The following TULP4 variants were observed in gnomAD, a reference collection of about 807,000 sequenced individuals.
TULP4 encodes tubby-related protein 4.
In TULP4, 16 loss-of-function variants were observed where a neutral mutation model predicts 129.0. The observed-to-expected ratio is 0.12, with a 90% CI of 0.08 to 0.19. The LOEUF is 0.19. TULP4 is among the 10% of genes least tolerant of loss of function. The pLI, the probability that TULP4 is intolerant of heterozygous loss-of-function variation, is 1.00. For synonymous variants in TULP4, 998 were observed against 854.0 expected (o/e 1.17, Z -2.94); for missense variants, 1,842 against 2,059.1 (o/e 0.89, Z 2.04).
At chr6:158,457,080 A>G (rs1437481306) in intron 5 of TULP4, among the ~76,000 whole-genome samples, 1 of 152,108 alleles carries the variant, frequency 6.6e-6, no homozygotes, top group Non-Finnish European at 1.5e-5. Context: ...ACTGTTGGAG[A>G]CGGCACATGG....
chr6:158,366,060 A>G lies in TULP4; in HGVS notation c.253-47005A>G, dbSNP rs540926410. 4.0e-5 allele frequency among the ~76,000 whole-genome samples: 6 copies of G among 149,716 alleles called. No individual in the cohort carries two copies. The South Asian group carries it at 6.4e-4, about 16-fold the overall frequency. Reference sequence around the variant, plus strand: ...TGGGACTACAGGTGCCTGCCACCACACCCGGCTAATTTTTTTGTATTTTTA... The same window carrying G: ...TGGGACTACAGGTGCCTGCCACCACGCCCGGCTAATTTTTTTGTATTTTTA... On this transcript the variant is annotated intron_variant, in intron 1 of 13. Transcript: ENST00000367097.
In TULP4 at chr6:158,501,943, C is replaced by T. The variant is rs144975281; in HGVS notation, c.2280C>T (p.Ser760=). 7.7e-5 allele frequency: 124 copies of T among 1,614,014 alleles called. No homozygotes were observed. The African/African-American group carries it at 8.8e-4, about 11-fold the overall frequency. The stretch of plus-strand genomic sequence containing the variant: ...ATCCTGGACAGGTGATTTTCGGAAG[C>T]GTGGAAATGGGCCGCATCATTCAGA... ...YSNPGQVIFG[S]VEMGRIIQNP... is the part of the protein sequence containing the mutation. The change falls in exon 13 of 14, where the codon AGC becomes AGT. Residue 760 remains serine (S), a synonymous_variant. Coordinates refer to ENST00000367097, the MANE Select transcript of TULP4 (RefSeq NM_020245.5).
intron 1 of TULP4, among the ~76,000 whole-genome samples, chr6:158,349,232 C>T (rs1780417083): frequency 6.9e-6 from 1 of 144,898 alleles, no homozygotes; most frequent in Non-Finnish European, 1.5e-5. Context: ...CAGAGGCGCT[C>T]CTCACATCCC....
chr6:158,278,501 T>G (rs1226643979), upstream of TULP4, among the ~76,000 whole-genome samples: 1 of 152,130 alleles, frequency 6.6e-6, no homozygotes, highest in Non-Finnish European at 1.5e-5. Flanking sequence ...ATTAAATTGA[T>G]CGAAAAGCTT....
intron 2 of TULP4, among the ~76,000 whole-genome samples, chr6:158,421,533 T>C (rs138734109): frequency 6.6e-6 from 1 of 152,186 alleles, no homozygotes; most frequent in Non-Finnish European, 1.5e-5. Flanking sequence ...AAATAAAATT[T>C]TGTGCAGCCC....
chr6:158,288,935 C>G (rs993818863), intron 1 of TULP4, among the ~76,000 whole-genome samples: 1 of 152,146 alleles, frequency 6.6e-6, no homozygotes, highest in African/African-American at 2.4e-5. Context: ...TTTCTAATAA[C>G]CTCTTAGAAC....
intron 1 of TULP4, among the ~76,000 whole-genome samples, chr6:158,288,313 G>A (rs9459954): frequency 2.6e-4 from 40 of 151,836 alleles, no homozygotes; most frequent in African/African-American, 8.9e-4. Context: ...GTGGTAGCTC[G>A]GACCTCCAGT....
At chr6:158,485,798 G>T (rs1480191521) in intron 8 of TULP4, among the ~76,000 whole-genome samples, 2 of 152,292 alleles carry the variant, frequency 1.3e-5, no homozygotes, top group African/African-American at 4.8e-5. Flanking sequence ...GCGAGATTTG[G>T]GATTTGCTTG....
rs184428875 is a variant in TULP4, at chr6:158,507,982, C to A, written c.*1288C>A. The A allele has an allele frequency of 6.6e-6, 1 of 152,246 alleles. No homozygotes were observed. The highest frequency in any genetic ancestry group is 6.5e-5 in the Admixed American group (1 of 15,302). The allele number at this position is 152,246 out of a possible 1,614,324, so 9.4% of individuals were successfully genotyped here. A position where few individuals can be genotyped will look rare whatever the true frequency, so the allele number is the denominator to read the frequency against. ...GACTGTTTACTAAGGAGCTAAACCACTGAGAAAACGTTATTAAAATTGTAA... is the reference window on the plus strand; with the variant it reads ...GACTGTTTACTAAGGAGCTAAACCAATGAGAAAACGTTATTAAAATTGTAA... On this transcript the variant is annotated 3_prime_UTR_variant, in exon 14 of 14. Coordinates refer to ENST00000367097, the MANE Select transcript of TULP4 (RefSeq NM_020245.5).
intron 1 of TULP4, chr6:158,242,380 T>C (rs1187647859): frequency 4.7e-6 from 7 of 1,498,360 alleles, no homozygotes; most frequent in Non-Finnish European, 6.5e-6. Context: ...GAAGGGTTTG[T>C]TTTCCTCTCC....
chr6:158,331,026 T>C (rs921358987), intron 1 of TULP4, among the ~76,000 whole-genome samples: 1 of 152,210 alleles, frequency 6.6e-6, no homozygotes, highest in African/African-American at 2.4e-5. Flanking sequence ...CTGCCCCTCA[T>C]TGGTGATGTT....
intron 1 of TULP4, among the ~76,000 whole-genome samples, chr6:158,338,682 G>T (rs1780101823): frequency 6.6e-6 from 1 of 152,228 alleles, no homozygotes; most frequent in Non-Finnish European, 1.5e-5. Flanking sequence ...GAGGCTAGCA[G>T]GTTGGAAGGT....
chr6:158,243,753 T>C (rs1777970290), intron 1 of TULP4, among the ~76,000 whole-genome samples: 1 of 152,102 alleles, frequency 6.6e-6, no homozygotes, highest in African/African-American at 2.4e-5. Flanking sequence ...CTTTTTGTGA[T>C]ACTAGCAACC....
intron 1 of TULP4, among the ~76,000 whole-genome samples, chr6:158,370,584 GA>G (rs1226082123): frequency 6.7e-6 from 1 of 149,598 alleles, no homozygotes; most frequent in Non-Finnish European, 1.5e-5. Context: ...TAAGTCTTCA[GA>G]GTGGACTTAT....
intron 1 of TULP4, among the ~76,000 whole-genome samples, chr6:158,332,152 A>G (rs1386401412): frequency 7.2e-6 from 1 of 139,006 alleles, no homozygotes; most frequent in Non-Finnish European, 1.5e-5. Context: ...AGCCTGGTCG[A>G]CAGAGTAAGA....
At chr6:158,242,953 T>C (rs992594218) in intron 1 of TULP4, among the ~76,000 whole-genome samples, 1 of 152,130 alleles carries the variant, frequency 6.6e-6, no homozygotes, top group South Asian at 2.1e-4. Flanking sequence ...ACCCGGCTAA[T>C]TTTTTTGTTG....
chr6:158,340,052 A>T (rs1780145451), intron 1 of TULP4, among the ~76,000 whole-genome samples: 1 of 152,184 alleles, frequency 6.6e-6, no homozygotes, highest in Non-Finnish European at 1.5e-5. Flanking sequence ...CCTTAATTGT[A>T]TTGGCCAGGT....
intron 1 of TULP4, among the ~76,000 whole-genome samples, chr6:158,386,770 C>A (rs1223633381): frequency 2.2e-5 from 2 of 91,524 alleles, no homozygotes; most frequent in African/African-American, 8.7e-5. Flanking sequence ...AGTTACTAAA[C>A]CTCTCTGTTT....
At chr6:158,499,297 A>G (rs1780396289) in intron 12 of TULP4, among the ~76,000 whole-genome samples, 2 of 152,282 alleles carry the variant, frequency 1.3e-5, no homozygotes, top group South Asian at 4.1e-4. Flanking sequence ...CCAGGACGCA[A>G]AAGCCTTTAC....
Sources: gnomAD v4.1 joint callset for allele counts (sites outside exome capture counted in the v4.1 genomes callset) on GRCh38, gnomAD v4.1.1 for gene constraint, MANE v1.5 for transcripts, NCBI Gene and HGNC (gene_info 2026-07-23, HGNC 2026-07-21) for gene names.